SLC16A4: variants seen among roughly 807,000 people sequenced by gnomAD.
The protein encoded by SLC16A4 is solute carrier family 16 member 4, also known as probable monocarboxylate transporter 5.
In SLC16A4, 39 loss-of-function variants were observed where a neutral mutation model predicts 47.9. The observed-to-expected ratio is 0.81, with a 90% CI of 0.63 to 1.06. The LOEUF is 1.06. Ranked by LOEUF, SLC16A4 falls within the 50% of genes least tolerant of loss-of-function variation. The pLI, the probability that SLC16A4 is intolerant of heterozygous loss-of-function variation, is 0.00. For missense variants in SLC16A4, 524 were observed against 573.8 expected, an observed-to-expected ratio of 0.91 and a Z score of 0.89; for synonymous variants, 189 against 199.9, an observed-to-expected ratio of 0.95 and a Z score of 0.46.
At position 110,389,371 on chromosome 1, in the gene SLC16A4, GACAGTT is replaced by G; in HGVS notation, c.-32-22_-32-17del. ...CAGAAGATCCCTGTGATAAATCCAA[GACAGTT>G]GATTCAGTGGACCAGAAACTAATCT... On this transcript the variant is annotated splice_polypyrimidine_tract_variant and intron_variant, in intron 1 of 8. Coordinates refer to ENST00000369779, the MANE Select transcript of SLC16A4 (RefSeq NM_004696.3). The G allele has an allele frequency of 7.1e-7, 1 of 1,407,808 alleles. No homozygotes were observed. The highest frequency in any genetic ancestry group is 2.3e-5 in the East Asian group (1 of 43,868). 87.2% of individuals were successfully genotyped at this position (1,407,808 alleles called of 1,614,324 possible).
rs2101094230 is a variant in SLC16A4, at chr1:110,390,991, C to G, written c.-159G>C. The G allele has an allele frequency of 6.6e-6, 1 of 152,288 alleles. No homozygotes were observed. The highest frequency in any genetic ancestry group is 2.4e-5 in the African/African-American group (1 of 41,568). 9.4% of individuals were successfully genotyped at this position (152,288 alleles called of 1,614,324 possible). A position where few individuals can be genotyped will look rare whatever the true frequency, so the allele number is the denominator to read the frequency against. On this transcript the variant is annotated 5_prime_UTR_variant, in exon 1 of 9. Coordinates refer to ENST00000369779, the MANE Select transcript of SLC16A4 (RefSeq NM_004696.3). Reference sequence around the variant, plus strand: ...ATTTCATTTTGCTGCATTGTGAAAACAAGTGAGCATTGTAAGAGCCAAGGA... The same window carrying G: ...ATTTCATTTTGCTGCATTGTGAAAAGAAGTGAGCATTGTAAGAGCCAAGGA...
At chr1:110,377,576 GAA>G (rs1662077247) in intron 6 of SLC16A4, among the ~76,000 whole-genome samples, 1 of 152,192 alleles carries the variant, frequency 6.6e-6, no homozygotes, top group African/African-American at 2.4e-5. Flanking sequence ...TCATATTGTA[GAA>G]GATTGGAGTA....
At chr1:110,374,569 T>A (rs139284789) in intron 8 of SLC16A4, among the ~76,000 whole-genome samples, 1 of 152,356 alleles carries the variant, frequency 6.6e-6, no homozygotes, top group East Asian at 1.9e-4. Context: ...AGTTTAGGTC[T>A]GTTCCCTAGA....
At chr1:110,372,437 C>G (rs1489920288) in intron 8 of SLC16A4, 1 of 152,156 alleles carries the variant, frequency 6.6e-6, no homozygotes, top group Admixed American at 6.5e-5. Context: ...CAATTAAAGA[C>G]TTTTGATTCA....
intron 2 of SLC16A4, among the ~76,000 whole-genome samples, chr1:110,388,737 GTC>G (rs772488468): frequency 2.0e-5 from 3 of 152,154 alleles, no homozygotes; most frequent in South Asian, 4.1e-4. Flanking sequence ...TTTTGAGAGA[GTC>G]TCTCATGGTT....
At chr1:110,378,109 G>A (rs1323480016) in intron 6 of SLC16A4, among the ~76,000 whole-genome samples, 2 of 152,190 alleles carry the variant, frequency 1.3e-5, no homozygotes, top group East Asian at 1.9e-4. Context: ...GATTACAGGC[G>A]TGAGCCACCA....
At chr1:110,377,277 A>C (rs1557907546) in intron 6 of SLC16A4, 116 bp from the exon 7 acceptor site, 1 of 793,202 alleles carries the variant, frequency 1.3e-6, no homozygotes, top group Non-Finnish European at 2.0e-6. Flanking sequence ...TGTGAGGAAA[A>C]AAATGATTTG....
chr1:110,370,599 A>G (rs1387517755), intron 8 of SLC16A4: 1 of 152,218 alleles, frequency 6.6e-6, no homozygotes, highest in Non-Finnish European at 1.5e-5. Context: ...CATAAAACAC[A>G]AATAGACTTG....
chr1:110,376,283 C>T (rs1454260123), intron 7 of SLC16A4, among the ~76,000 whole-genome samples: 5 of 152,114 alleles, frequency 3.3e-5, no homozygotes, highest in African/African-American at 1.2e-4. Flanking sequence ...TTGATTTTTG[C>T]CTGCACTTCA....
intron 2 of SLC16A4, among the ~76,000 whole-genome samples, chr1:110,384,444 CT>C: frequency 6.6e-6 from 1 of 152,370 alleles, no homozygotes; most frequent in Non-Finnish European, 1.5e-5. Flanking sequence ...CTGTACTCCA[CT>C]AGAATTGCTG....
At chr1:110,381,929 A>C (rs1662420591) in intron 3 of SLC16A4, 134 bp from the exon 4 acceptor site, 2 of 843,504 alleles carry the variant, frequency 2.4e-6, no homozygotes, top group East Asian at 5.9e-5. Flanking sequence ...TTCTTCAAAA[A>C]AGATTTTCAT....
chr1:110,363,679 A>C lies in SLC16A4; in HGVS notation c.*87T>G. 1 of 1,150,286 alleles carries C rather than the reference A, an allele frequency of 8.7e-7. No homozygotes were observed. The highest frequency in any genetic ancestry group is 1.2e-6 in the Non-Finnish European group (1 of 829,094). 71.3% of individuals were successfully genotyped at this position (1,150,286 alleles called of 1,614,324 possible). ...TTCTCATGTTACAAATGTAGATGCG[A>C]TGTGTTTCTTTCAAGCTTTTGTTTC... On this transcript the variant is annotated 3_prime_UTR_variant, in exon 9 of 9. Coordinates refer to ENST00000369779, the MANE Select transcript of SLC16A4 (RefSeq NM_004696.3).
At chr1:110,380,075 C>T (rs914156395) in intron 5 of SLC16A4, among the ~76,000 whole-genome samples, 1 of 79,732 alleles carries the variant, frequency 1.3e-5, no homozygotes, top group Non-Finnish European at 2.6e-5. Flanking sequence ...AAAAAAAAAG[C>T]AGCGGGAGGG....
rs1340729473 is a variant in SLC16A4 at position 110,384,828 on chromosome 1, T to C, written c.88-1862A>G. Among the ~76,000 whole-genome samples, 6 of 152,070 alleles carry C rather than the reference T, an allele frequency of 3.9e-5. No homozygotes were observed. The East Asian group carries it at 1.2e-3, about 29-fold the overall frequency. ...GAGTTCAAGACCAGCCTGGGCAACATGGCGAAACCCCGTCTCTACAAAAAG... is the reference window on the plus strand; with the variant it reads ...GAGTTCAAGACCAGCCTGGGCAACACGGCGAAACCCCGTCTCTACAAAAAG... On this transcript the variant is annotated intron_variant, in intron 2 of 8. Transcript: ENST00000369779.
chr1:110,390,060 A>G (rs986625408), intron 1 of SLC16A4, among the ~76,000 whole-genome samples: 3 of 151,914 alleles, frequency 2.0e-5, no homozygotes, highest in Non-Finnish European at 4.4e-5. Flanking sequence ...AATGTAATAC[A>G]AAACAGAAAA....
rs71096348 is a variant in SLC16A4 at position 110,383,805 on chromosome 1, G to GT, written c.88-840dup. ...TTTTGGAAAGGGCTGTTAAAAGGAG[G>GT]TTTTTTTTTTTTTTTTTTTTTTTTT... On this transcript the variant is annotated intron_variant, in intron 2 of 8. Coordinates refer to ENST00000369779, the MANE Select transcript of SLC16A4 (RefSeq NM_004696.3). Among the ~76,000 whole-genome samples, 559 of 65,716 alleles carry GT rather than the reference G, an allele frequency of 8.5e-3. 32 individuals are homozygous for GT. Among genetic ancestry groups the GT allele is most frequent in the African/African-American group, 0.028 (413 of 14,964 alleles). The allele number at this position is 65,716 out of a possible 152,430, so 43.1% of individuals were successfully genotyped here.
At chr1:110,366,689 G>A (rs986816720) in intron 8 of SLC16A4, among the ~76,000 whole-genome samples, 1 of 152,182 alleles carries the variant, frequency 6.6e-6, no homozygotes, top group Non-Finnish European at 1.5e-5. Context: ...CTAGGTGTGT[G>A]TAGGTATACT....
At chr1:110,379,503 T>C (rs1662231436) in intron 5 of SLC16A4, 147 bp from the exon 6 acceptor site, 1 of 694,202 alleles carries the variant, frequency 1.4e-6, no homozygotes, top group Admixed American at 3.0e-5. Flanking sequence ...ATTAGTCATA[T>C]ACACTGCTGT....
intron 2 of SLC16A4, 68 bp downstream of exon 2, chr1:110,389,169 G>T (rs1662888188): frequency 2.1e-5 from 27 of 1,273,626 alleles, no homozygotes; most frequent in Non-Finnish European, 2.8e-5. Flanking sequence ...TTCGTAGGCA[G>T]CTCTGAGCCT....
Sources: allele counts gnomAD v4.1 joint callset (sites outside exome capture counted in the v4.1 genomes callset), GRCh38; gene constraint gnomAD v4.1.1; transcripts MANE v1.5; gene names NCBI Gene and HGNC (gene_info 2026-07-23, HGNC 2026-07-21).